The following ACSL4 variants were observed in gnomAD, a reference collection of about 807,000 sequenced individuals.
The protein encoded by ACSL4 is long-chain-fatty-acid--CoA ligase 4.
In ACSL4, 9 loss-of-function variants were observed where a neutral mutation model predicts 49.1. That is an observed-to-expected ratio of 0.18 (90% CI 0.11 to 0.32). ACSL4 has a LOEUF of 0.32. Ranked by LOEUF, ACSL4 falls within the 10% of genes least tolerant of loss-of-function variation. The pLI is 1.00. For synonymous variants in ACSL4, 191 were observed against 170.3 expected (o/e 1.12, Z -0.95); for missense variants, 333 against 493.7 (o/e 0.67, Z 3.08).
At chrX:109,697,719 G>C (rs1200530580) in intron 1 of ACSL4, among the ~76,000 whole-genome samples, 3 of 95,330 alleles carry the variant, frequency 3.1e-5, no homozygotes, top group South Asian at 6.7e-4. Flanking sequence ...ATGGGGGGGG[G>C]GGCGCGGGGA....
intron 1 of ACSL4, among the ~76,000 whole-genome samples, chrX:109,721,791 C>A (rs1358276957): frequency 9.0e-6 from 1 of 111,177 alleles, no homozygotes; most frequent in Non-Finnish European, 1.9e-5. Flanking sequence ...CACCATACCT[C>A]CCCACTCCAT....
chrX:109,702,198 A>G (rs952426638), intron 1 of ACSL4, among the ~76,000 whole-genome samples: 1 of 111,072 alleles, frequency 9.0e-6, no homozygotes, highest in African/African-American at 3.3e-5. Flanking sequence ...CTGGGCGACA[A>G]TGGCAAACCT....
chrX:109,657,664 G>A (rs1348706090), intron 15 of ACSL4, among the ~76,000 whole-genome samples: 1 of 111,366 alleles, frequency 9.0e-6, no homozygotes, highest in Non-Finnish European at 1.9e-5. Flanking sequence ...TGTGAATAGT[G>A]CTGCAATAAA....
intron 1 of ACSL4, among the ~76,000 whole-genome samples, chrX:109,720,558 T>C (rs1927470268): frequency 9.0e-6 from 1 of 111,691 alleles, no homozygotes; most frequent in Non-Finnish European, 1.9e-5. Context: ...TGCTTAAAAA[T>C]TTATAACATG....
chrX:109,730,479 G>A (rs2147570218), intron 1 of ACSL4, among the ~76,000 whole-genome samples: 1 of 111,686 alleles, frequency 9.0e-6, no homozygotes, highest in East Asian at 2.8e-4. Context: ...TTTGACTGTT[G>A]TTGTTTTTAA....
At chrX:109,682,424 C>A (rs1269826432) in intron 4 of ACSL4, among the ~76,000 whole-genome samples, 1 of 103,592 alleles carries the variant, frequency 9.7e-6, no homozygotes, top group African/African-American at 3.6e-5. Flanking sequence ...ATCACCCCCC[C>A]AAAATACCCC....
At chrX:109,704,927 ATC>A (rs924512004) in intron 1 of ACSL4, among the ~76,000 whole-genome samples, 6 of 106,599 alleles carry the variant, frequency 5.6e-5, no homozygotes, top group African/African-American at 1.0e-4. Flanking sequence ...AAGTGTTTTC[ATC>A]TCTCTCTCTC....
At chrX:109,686,664 T>C (rs1036687222) in intron 2 of ACSL4, among the ~76,000 whole-genome samples, 5 of 111,574 alleles carry the variant, frequency 4.5e-5, no homozygotes, top group Admixed American at 9.6e-5. Flanking sequence ...TTTTTAGTTA[T>C]TGATGTTACA....
intron 15 of ACSL4, among the ~76,000 whole-genome samples, chrX:109,648,109 A>G (rs1008089428): frequency 7.9e-4 from 89 of 111,979 alleles, no homozygotes; most frequent in African/African-American, 2.8e-3. Flanking sequence ...GGAGGAACTG[A>G]TACCATTCCT....
intron 2 of ACSL4, among the ~76,000 whole-genome samples, chrX:109,693,093 CAG>C (rs1455077906): frequency 2.7e-5 from 3 of 111,228 alleles, no homozygotes; most frequent in Non-Finnish European, 1.9e-5. Context: ...CCCCATCTGC[CAG>C]AGGAGGAACC....
At chrX:109,724,102 A>G (rs1927771370) in intron 1 of ACSL4, among the ~76,000 whole-genome samples, 1 of 111,757 alleles carries the variant, frequency 8.9e-6, no homozygotes, top group South Asian at 3.7e-4. Context: ...CTTTTATCTA[A>G]TGTGATTTAG....
chrX:109,717,460 C>T (rs747489719), intron 1 of ACSL4, among the ~76,000 whole-genome samples: 11 of 110,618 alleles, frequency 9.9e-5, no homozygotes, highest in Non-Finnish European at 1.9e-4. Context: ...AGCGCCATTG[C>T]ACTCCAGCCT....
chrX:109,643,943 C>CAGTTCAACAAATATACAT lies in ACSL4; in HGVS notation c.*85_*86insATGTATATTTGTTGAACT. ...TCTTTAGAATGATATACCTTACATTCTAACAGTTCAACAAAGGCTTAAAAT... is the reference window on the plus strand; with the variant it reads ...TCTTTAGAATGATATACCTTACATTCAGTTCAACAAATATACATTAACAGTTCAACAAAGGCTTAAAAT... On this transcript the variant is annotated 3_prime_UTR_variant, in exon 16 of 16. Transcript: ENST00000672401. 4.9e-6 allele frequency: 5 copies of CAGTTCAACAAATATACAT among 1,027,336 alleles called. No homozygotes were observed. Among genetic ancestry groups the CAGTTCAACAAATATACAT allele is most frequent in the Non-Finnish European group, 6.9e-6 (5 of 729,314 alleles). The allele number at this position is 1,027,336 out of a possible 1,213,427, so 84.7% of individuals were successfully genotyped here.
intron 11 of ACSL4, among the ~76,000 whole-genome samples, chrX:109,665,743 T>C (rs1922579463): frequency 9.0e-6 from 1 of 111,629 alleles, no homozygotes; most frequent in Non-Finnish European, 1.9e-5. Context: ...GGAGGAGAGA[T>C]GGCTCCACCG....
chrX:109,667,458 A>G (rs1299567195), intron 11 of ACSL4, among the ~76,000 whole-genome samples: 1 of 112,885 alleles, frequency 8.9e-6, no homozygotes, highest in East Asian at 2.8e-4. Context: ...AGAAGAAGTT[A>G]GGACAGGAAC....
chrX:109,673,307 T>C (rs1350208633), intron 9 of ACSL4, among the ~76,000 whole-genome samples: 1 of 111,852 alleles, frequency 8.9e-6, no homozygotes, highest in Non-Finnish European at 1.9e-5. Flanking sequence ...CCATCACCTA[T>C]GAGCTGTGTG....
At chrX:109,672,042 C>T (rs1323309763) in intron 9 of ACSL4, among the ~76,000 whole-genome samples, 1 of 102,050 alleles carries the variant, frequency 9.8e-6, no homozygotes, top group Non-Finnish European at 2.0e-5. Context: ...GCCAAATCCC[C>T]CTCTCTGAGA....
At chrX:109,694,076 A>G in intron 2 of ACSL4, among the ~76,000 whole-genome samples, 1 of 112,291 alleles carries the variant, frequency 8.9e-6, no homozygotes, top group Non-Finnish European at 1.9e-5. Flanking sequence ...TTTGTCAGCC[A>G]CTGGGTAGCG....
chrX:109,668,968 C>A lies in ACSL4; in HGVS notation c.1142+66G>T, dbSNP rs1263266549. On this transcript the variant is annotated intron_variant, in intron 10 of 15. Transcript: ENST00000672401. ...ATTAACTTGCCATTTATTTATTCAT[C>A]TTCTGGATTTAAAAGCATAAAAAAA... is the stretch of plus-strand genomic sequence containing the variant. 7.2e-6 allele frequency: 7 copies of A among 966,512 alleles called. No homozygotes were observed. In the African/African-American group the frequency reaches 1.4e-4, roughly 19 times the overall value. The allele number at this position is 966,512 out of a possible 1,213,427, so 79.7% of individuals were successfully genotyped here.
Sources: gnomAD v4.1 joint callset for allele counts (sites outside exome capture counted in the v4.1 genomes callset) on GRCh38, gnomAD v4.1.1 for gene constraint, MANE v1.5 for transcripts, NCBI Gene and HGNC (gene_info 2026-07-23, HGNC 2026-07-21) for gene names.